The following LRRC4C variants were observed in gnomAD, a reference collection of about 807,000 sequenced individuals.
LRRC4C encodes leucine rich repeat containing 4C.
Under a neutral mutation model 33.6 loss-of-function variants are expected in LRRC4C, and 5 were observed. The ratio of observed to expected loss-of-function variants is 0.15; its 90% confidence interval spans 0.08 to 0.31. The LOEUF is 0.31. Ranked by LOEUF, LRRC4C falls within the 10% of genes least tolerant of loss-of-function variation. LRRC4C has a pLI of 1.00. For missense variants in LRRC4C, 560 were observed against 796.7 expected, an observed-to-expected ratio of 0.70 and a Z score of 3.58; for synonymous variants, 329 against 302.0, an observed-to-expected ratio of 1.09 and a Z score of -0.93.
intron 1 of LRRC4C, among the ~76,000 whole-genome samples, chr11:41,253,258 G>A (rs1278105749): frequency 3.3e-5 from 5 of 152,192 alleles, no homozygotes; most frequent in Middle Eastern, 3.4e-3. Context: ...ATCAAAATGA[G>A]TAAACACAAC....
intron 3 of LRRC4C, among the ~76,000 whole-genome samples, chr11:40,567,236 C>G (rs1458959030): frequency 6.6e-6 from 1 of 151,988 alleles, no homozygotes; most frequent in Non-Finnish European, 1.5e-5. Flanking sequence ...AATGGCTAAC[C>G]TTCCTTGCAG....
At chr11:40,957,457 T>A (rs1959009422) in intron 1 of LRRC4C, among the ~76,000 whole-genome samples, 1 of 151,710 alleles carries the variant, frequency 6.6e-6, no homozygotes, top group Non-Finnish European at 1.5e-5. Context: ...CATCACCCAC[T>A]GTCTCCCTCT....
chr11:41,449,791 T>C (rs1019991217), intron 1 of LRRC4C, among the ~76,000 whole-genome samples: 17 of 151,928 alleles, frequency 1.1e-4, no homozygotes, highest in African/African-American at 3.6e-4. Flanking sequence ...AAAAAGCTTT[T>C]TCGCTTCTTT....
At chr11:41,244,424 A>G (rs1057183607) in intron 1 of LRRC4C, among the ~76,000 whole-genome samples, 4 of 152,202 alleles carry the variant, frequency 2.6e-5, no homozygotes, top group Admixed American at 2.0e-4. Context: ...TTAGCAAGTG[A>G]CAACAATTTC....
chr11:40,171,500 T>A (rs1860040286), intron 5 of LRRC4C, among the ~76,000 whole-genome samples: 1 of 152,216 alleles, frequency 6.6e-6, no homozygotes, highest in Non-Finnish European at 1.5e-5. Flanking sequence ...ACATTGTGTT[T>A]GGCACCCAAT....
intron 2 of LRRC4C, among the ~76,000 whole-genome samples, chr11:40,868,597 C>T (rs1954484197): frequency 6.6e-6 from 1 of 152,098 alleles, no homozygotes; most frequent in Non-Finnish European, 1.5e-5. Context: ...TATTTCCCTG[C>T]CCAACCCCTA....
At chr11:41,443,372 G>T (rs1162870011) in intron 1 of LRRC4C, among the ~76,000 whole-genome samples, 1 of 151,980 alleles carries the variant, frequency 6.6e-6, no homozygotes, top group Non-Finnish European at 1.5e-5. Context: ...AGCTGGGCCT[G>T]GTGGTGCATG....
chr11:41,375,902 AT>A (rs1174904484), intron 1 of LRRC4C, among the ~76,000 whole-genome samples: 1 of 152,044 alleles, frequency 6.6e-6, no homozygotes, highest in Non-Finnish European at 1.5e-5. Flanking sequence ...ATATTAGGAA[AT>A]TTAGTATGGC....
intron 1 of LRRC4C, among the ~76,000 whole-genome samples, chr11:41,241,273 T>A (rs1488024665): frequency 6.6e-6 from 1 of 152,286 alleles, no homozygotes; most frequent in East Asian, 1.9e-4. Flanking sequence ...ACCTATCATA[T>A]CCTGGTGTTC....
At chr11:41,409,495 TA>T (rs1565650688) in intron 1 of LRRC4C, among the ~76,000 whole-genome samples, 1 of 152,170 alleles carries the variant, frequency 6.6e-6, no homozygotes, top group Non-Finnish European at 1.5e-5. Context: ...TTTTAATCCT[TA>T]AAACAACATT....
intron 3 of LRRC4C, among the ~76,000 whole-genome samples, chr11:40,333,187 T>C (rs1236021552): frequency 3.3e-5 from 5 of 152,306 alleles, no homozygotes; most frequent in Non-Finnish European, 7.3e-5. Context: ...TCAAACAATA[T>C]GTAAGGGAAT....
intron 1 of LRRC4C, among the ~76,000 whole-genome samples, chr11:41,270,188 G>A (rs1390187638): frequency 6.6e-6 from 1 of 151,942 alleles, no homozygotes; most frequent in Non-Finnish European, 1.5e-5. Context: ...GAAATATCAA[G>A]AGAAAAAAAC....
intron 4 of LRRC4C, among the ~76,000 whole-genome samples, chr11:40,297,708 C>T (rs1232649402): frequency 6.6e-6 from 1 of 152,058 alleles, no homozygotes; most frequent in Non-Finnish European, 1.5e-5. Flanking sequence ...TAATAACTAG[C>T]ATTTAATGAA....
At chr11:40,777,297 A>T (rs1305508146) in intron 2 of LRRC4C, among the ~76,000 whole-genome samples, 1 of 151,998 alleles carries the variant, frequency 6.6e-6, no homozygotes, top group East Asian at 1.9e-4. Flanking sequence ...TACCTTGATT[A>T]TTTGTCTAAT....
chr11:41,224,936 T>C (rs1947464070), intron 1 of LRRC4C, among the ~76,000 whole-genome samples: 1 of 152,192 alleles, frequency 6.6e-6, no homozygotes, highest in African/African-American at 2.4e-5. Flanking sequence ...AATGGAGTAC[T>C]ATTCAGCCAT....
In LRRC4C at chr11:40,859,373, C is replaced by T. The variant is rs113553507; in HGVS notation, c.-407+74262G>A. Among the ~76,000 whole-genome samples, 28 of 151,790 alleles carry T rather than the reference C, an allele frequency of 1.8e-4. 2 individuals are homozygous for T. Among genetic ancestry groups the T allele is most frequent in the African/African-American group, 6.5e-4 (27 of 41,378 alleles). On this transcript the variant is annotated intron_variant, in intron 2 of 6. Transcript: ENST00000528697. ...AAATGAGATTCATGCTTGAGAGGCT[C>T]GTAGACTTATGTATTGTATATCTAG...
chr11:40,899,564 T>C (rs1592032571), intron 2 of LRRC4C, among the ~76,000 whole-genome samples: 1 of 152,162 alleles, frequency 6.6e-6, no homozygotes, highest in South Asian at 2.1e-4. Flanking sequence ...CTAGACAAAA[T>C]TGAGCTTTTC....
chr11:40,147,674 T>C (rs1565052028), intron 5 of LRRC4C, among the ~76,000 whole-genome samples: 1 of 152,076 alleles, frequency 6.6e-6, no homozygotes, highest in Non-Finnish European at 1.5e-5. Flanking sequence ...GTAGACATAA[T>C]TGTCGAGATG....
chr11:40,951,557 C>T (rs957089473), intron 1 of LRRC4C, among the ~76,000 whole-genome samples: 5 of 151,872 alleles, frequency 3.3e-5, no homozygotes, highest in African/African-American at 1.2e-4. Flanking sequence ...AATTTTGTTG[C>T]CCTGAGTTAC....
Sources: allele counts gnomAD v4.1 joint callset (sites outside exome capture counted in the v4.1 genomes callset), GRCh38; gene constraint gnomAD v4.1.1; transcripts MANE v1.5; gene names NCBI Gene and HGNC (gene_info 2026-07-23, HGNC 2026-07-21).